NBEA: variants seen among roughly 807,000 people sequenced by gnomAD.
The protein encoded by NBEA is neurobeachin, also known as lysosomal-trafficking regulator 2.
NBEA carries 44 observed loss-of-function variants against 343.4 expected under a neutral mutation model. That is an observed-to-expected ratio of 0.13 (90% confidence interval 0.10 to 0.16). NBEA has a LOEUF of 0.16. Ranked by LOEUF, NBEA falls within the 10% of genes least tolerant of loss-of-function variation. The pLI, the probability that NBEA is intolerant of heterozygous loss-of-function variation, is 1.00. For synonymous variants in NBEA, 1,175 were observed against 1,238.7 expected, an observed-to-expected ratio of 0.95 and a Z score of 1.08; for missense variants, 2,555 against 3,631.3, an observed-to-expected ratio of 0.70 and a Z score of 7.62.
intron 38 of NBEA, among the ~76,000 whole-genome samples, chr13:35,422,830 G>T (rs1385024950): frequency 1.3e-5 from 2 of 152,094 alleles, no homozygotes; most frequent in African/African-American, 4.8e-5. Flanking sequence ...ACTTTTTAAT[G>T]ATCGCCATTC....
At chr13:34,974,630 T>C (rs1258686476) in intron 1 of NBEA, among the ~76,000 whole-genome samples, 1 of 152,172 alleles carries the variant, frequency 6.6e-6, no homozygotes. Flanking sequence ...CCCGTATGAG[T>C]ACATACAAAA....
At chr13:35,238,783 C>T (rs1158647112) in intron 34 of NBEA, among the ~76,000 whole-genome samples, 1 of 152,028 alleles carries the variant, frequency 6.6e-6, no homozygotes, top group Non-Finnish European at 1.5e-5. Flanking sequence ...TTGGTGGCAT[C>T]AATAAATATT....
At chr13:35,345,377 A>G (rs1322051775) in intron 36 of NBEA, among the ~76,000 whole-genome samples, 1 of 152,082 alleles carries the variant, frequency 6.6e-6, no homozygotes, top group Non-Finnish European at 1.5e-5. Context: ...TTTGTTAAGG[A>G]AGCAAGAGAC....
intron 28 of NBEA, chr13:35,179,843 A>C: frequency 1.2e-5 from 11 of 941,004 alleles, no homozygotes; most frequent in Non-Finnish European, 1.4e-5. Context: ...TTCCTTTGTA[A>C]TAACTGCTTA....
chr13:35,185,559 C>G (rs906774174), intron 30 of NBEA: 7 of 152,134 alleles, frequency 4.6e-5, no homozygotes. Flanking sequence ...CAAACATCAC[C>G]TGGAGTTTGT....
rs1242895295 is a variant in NBEA, at chr13:35,476,330, CTG to C, written c.6585+3795_6585+3796del. On this transcript the variant is annotated intron_variant, in intron 41 of 58. Coordinates refer to ENST00000379939, the MANE Select transcript of NBEA (RefSeq NM_001385012.1). The stretch of plus-strand genomic sequence containing the variant: ...GCTGCTGCTGCTGCTGCTGCTGCTG[CTG>C]CTGCTGCTGCTGCTGCTGCTGCTTT... The C allele has an allele frequency of 2.5e-4, 311 of 1,243,522 alleles. 1 individual carries two copies. Among genetic ancestry groups the C allele is most frequent in the South Asian group, 1.0e-3 (77 of 75,266 alleles). The allele number at this position is 1,243,522 out of a possible 1,614,324, so 77.0% of individuals were successfully genotyped here. A position where few individuals can be genotyped will look rare whatever the true frequency, so the allele number is the denominator to read the frequency against.
chr13:35,308,532 GTATATATGTA>G (rs1372539154), intron 35 of NBEA, among the ~76,000 whole-genome samples: 2 of 115,780 alleles, frequency 1.7e-5, no homozygotes, highest in African/African-American at 6.7e-5. Context: ...GTATATATAT[GTATATATGTA>G]TATATATGTA....
Position 35,208,749 on chromosome 13 carries a change from A to T in NBEA, c.5416A>T (p.Thr1806Ser). The part of the protein sequence containing the change: ...KKPPPGSLAV[T>S]TVGATTAGSG... ...ACCACCTCCAGGTAGTTTAGCTGTAACCACTGTGGGAGCCACTACTGCTGG... is the reference window on the plus strand; with the variant it reads ...ACCACCTCCAGGTAGTTTAGCTGTATCCACTGTGGGAGCCACTACTGCTGG... Residue 1806 changes from threonine (T) to serine (S), a missense_variant, in exon 32 of 59, where the codon ACC becomes TCC. Thr to Ser is a moderately conservative substitution (Grantham distance 58). Coordinates refer to ENST00000379939, the MANE Select transcript of NBEA (RefSeq NM_001385012.1). 6.2e-7 allele frequency: 1 copy of T among 1,611,626 alleles called. No individual in the cohort carries two copies. The highest frequency in any genetic ancestry group is 8.5e-7 in the Non-Finnish European group (1 of 1,178,554).
At chr13:35,199,743 T>C (rs2072884220) in intron 31 of NBEA, among the ~76,000 whole-genome samples, 1 of 152,136 alleles carries the variant, frequency 6.6e-6, no homozygotes. Flanking sequence ...TTGAAGTTTA[T>C]AATAAAAAAT....
chr13:35,408,946 A>G (rs936621207), intron 38 of NBEA, among the ~76,000 whole-genome samples: 1 of 152,182 alleles, frequency 6.6e-6, no homozygotes, highest in African/African-American at 2.4e-5. Context: ...GCAATTCCTG[A>G]AAAACCTGAA....
chr13:35,221,781 C>A (rs1198466432), intron 33 of NBEA, among the ~76,000 whole-genome samples: 1 of 152,052 alleles, frequency 6.6e-6, no homozygotes, highest in Non-Finnish European at 1.5e-5. Flanking sequence ...TAGAACCTTA[C>A]ATCATAAGGG....
Position 35,048,084 on chromosome 13 carries a change from G to A in NBEA, c.724-479G>A, listed in dbSNP as rs555248086. ...GCCTTTCTTAGTTTCAATGTTGTTA[G>A]CATTATGAACATTATCTCTTAATGC... On this transcript the variant is annotated intron_variant, in intron 4 of 58. Coordinates refer to ENST00000379939, the MANE Select transcript of NBEA (RefSeq NM_001385012.1). 4.2e-4 allele frequency among the ~76,000 whole-genome samples: 63 copies of A among 151,736 alleles called. 1 individual carries two copies. The highest frequency in any genetic ancestry group is 1.4e-3 in the African/African-American group (57 of 41,458).
At chr13:35,027,203 A>G (rs186549984) in intron 1 of NBEA, among the ~76,000 whole-genome samples, 35 of 152,202 alleles carry the variant, frequency 2.3e-4, no homozygotes, top group Middle Eastern at 3.4e-3. Context: ...TAAAGCTGCT[A>G]TTAACAATTA....
chr13:35,446,113 G>A (rs1441339366), intron 39 of NBEA, among the ~76,000 whole-genome samples: 3 of 151,526 alleles, frequency 2.0e-5, no homozygotes, highest in South Asian at 2.1e-4. Flanking sequence ...GATGGTTTCC[G>A]GCTTCATCCA....
chr13:35,427,903 G>A (rs964587956), intron 38 of NBEA, among the ~76,000 whole-genome samples: 6 of 152,168 alleles, frequency 3.9e-5, no homozygotes, highest in East Asian at 3.9e-4. Flanking sequence ...AGCAATGAGC[G>A]AGACTCTATG....
intron 48 of NBEA, among the ~76,000 whole-genome samples, chr13:35,607,845 AACCCCAT>A (rs1161535491): frequency 6.6e-6 from 1 of 152,132 alleles, no homozygotes; most frequent in African/African-American, 2.4e-5. Context: ...CCTCATAGAG[AACCCCAT>A]ACCTTTTAGC....
At chr13:35,090,061 A>T (rs532765266) in intron 10 of NBEA, among the ~76,000 whole-genome samples, 1 of 145,106 alleles carries the variant, frequency 6.9e-6, no homozygotes, top group African/African-American at 2.5e-5. Flanking sequence ...AAAGTATAAT[A>T]AAATAAATAA....
At chr13:35,578,336 T>G (rs1566353028) in intron 45 of NBEA, among the ~76,000 whole-genome samples, 1 of 152,074 alleles carries the variant, frequency 6.6e-6, no homozygotes, top group Non-Finnish European at 1.5e-5. Context: ...GAATGAGGAA[T>G]TAAGTAGGAA....
chr13:35,487,462 A>T (rs1393407352), intron 41 of NBEA, among the ~76,000 whole-genome samples: 1 of 151,948 alleles, frequency 6.6e-6, no homozygotes, highest in Admixed American at 6.6e-5. Context: ...GACATTTTAT[A>T]TCAGGGCAGG....
Sources: gnomAD v4.1 joint callset for allele counts (sites outside exome capture counted in the v4.1 genomes callset) on GRCh38, gnomAD v4.1.1 for gene constraint, MANE v1.5 for transcripts, NCBI Gene and HGNC (gene_info 2026-07-23, HGNC 2026-07-21) for gene names.